The following NECAB1 variants were observed in gnomAD, a reference collection of about 807,000 sequenced individuals.
NECAB1 encodes N-terminal EF-hand calcium-binding protein 1.
A neutral mutation model predicts 57.5 loss-of-function variants in NECAB1; 29 were observed. That is an observed-to-expected ratio of 0.50 (90% confidence interval 0.38 to 0.69). The LOEUF (loss-of-function observed/expected upper bound fraction) is 0.69, where lower values mean the gene tolerates loss of function less well. Among genes scored for constraint, NECAB1 ranks in the 30% least tolerant of loss-of-function variants. The probability of loss-of-function intolerance (pLI) is 0.00; values close to 1 mark genes in which losing one functional copy is unlikely to be tolerated. For missense variants in NECAB1, 372 were observed against 413.8 expected (o/e 0.90, Z 0.88); for synonymous variants, 142 against 147.7 (o/e 0.96, Z 0.28).
Position 90,864,791 on chromosome 8 carries a change from C to T in NECAB1, c.234-7337C>T, listed in dbSNP as rs569746052. On this transcript the variant is annotated intron_variant, in intron 3 of 12. Transcript: ENST00000417640. ...GGGAAGAGGGGATAGCTTTTGATGG[C>T]GCATGGCTTATGTCATCTTACCTTA... Among the ~76,000 whole-genome samples, 7 of 152,116 alleles carry T rather than the reference C, an allele frequency of 4.6e-5. No homozygotes were observed. In the East Asian group the frequency reaches 7.7e-4, roughly 17 times the overall value.
chr8:90,930,356 T>G (rs1267942197), intron 8 of NECAB1, among the ~76,000 whole-genome samples: 1 of 152,162 alleles, frequency 6.6e-6, no homozygotes, highest in Admixed American at 6.5e-5. Flanking sequence ...AAACAATTAA[T>G]TGTACCATTA....
chr8:90,917,845 T>TAC (rs1243746335), intron 6 of NECAB1, among the ~76,000 whole-genome samples: 1 of 78,252 alleles, frequency 1.3e-5, no homozygotes, highest in Non-Finnish European at 2.0e-5. Flanking sequence ...GTAAACTATA[T>TAC]ATATATATAT....
chr8:90,937,975 G>A lies in NECAB1; in HGVS notation c.748-2811G>A, dbSNP rs2677582. Among the ~76,000 whole-genome samples, 83 of 152,222 alleles carry A rather than the reference G, an allele frequency of 5.5e-4. 1 individual carries two copies. The East Asian group carries it at 0.014, about 26-fold the overall frequency. On this transcript the variant is annotated intron_variant, in intron 9 of 12. Transcript: ENST00000417640. ...CAATGGTTGTTAAGAGAGTCAGTGA[G>A]AGCATACAAGAAAGGCTAGGGTATC...
chr8:90,877,144 T>C (rs1344604943), intron 4 of NECAB1, among the ~76,000 whole-genome samples: 1 of 152,198 alleles, frequency 6.6e-6, no homozygotes, highest in East Asian at 1.9e-4. Flanking sequence ...AATATGTCAC[T>C]GTCCTTCCCT....
chr8:90,820,742 A>AG (rs1208915268), intron 2 of NECAB1, among the ~76,000 whole-genome samples: 4 of 151,688 alleles, frequency 2.6e-5, no homozygotes, highest in African/African-American at 9.7e-5. Flanking sequence ...CTAAAAAAAA[A>AG]GTCTGTCATT....
chr8:90,944,584 G>A (rs1810755246), intron 10 of NECAB1, among the ~76,000 whole-genome samples: 1 of 152,166 alleles, frequency 6.6e-6, no homozygotes, highest in Non-Finnish European at 1.5e-5. Context: ...TATGTTCTCA[G>A]AACCATTCTT....
intron 2 of NECAB1, among the ~76,000 whole-genome samples, chr8:90,819,974 A>G (rs1350101060): frequency 6.6e-6 from 1 of 151,810 alleles, no homozygotes; most frequent in Non-Finnish European, 1.5e-5. Flanking sequence ...TCTGGAGGTA[A>G]AACCCACCAA....
Position 90,956,717 on chromosome 8 carries a change from T to C in NECAB1, c.*1205T>C, listed in dbSNP as rs558842424. 6.6e-6 allele frequency: 1 copy of C among 152,256 alleles called. No individual in the cohort carries two copies. The highest frequency in any genetic ancestry group is 1.9e-4 in the East Asian group (1 of 5,172). The allele number at this position is 152,256 out of a possible 1,614,324, so 9.4% of individuals were successfully genotyped here. ...TTATAAGGTAAAATTTTCCTGTTTT[T>C]CCCCCTTTGAAAAACTCAGGAAAAA... On this transcript the variant is annotated 3_prime_UTR_variant, in exon 13 of 13. Coordinates refer to ENST00000417640, the MANE Select transcript of NECAB1 (RefSeq NM_022351.5).
At chr8:90,792,989 G>A (rs1811600801) in intron 1 of NECAB1, among the ~76,000 whole-genome samples, 1 of 152,144 alleles carries the variant, frequency 6.6e-6, no homozygotes, top group Non-Finnish European at 1.5e-5. Context: ...GTTTAGGCAT[G>A]ATAGAAAATG....
chr8:90,896,104 A>T (rs1232773817), intron 5 of NECAB1, among the ~76,000 whole-genome samples: 1 of 152,182 alleles, frequency 6.6e-6, no homozygotes, highest in East Asian at 1.9e-4. Flanking sequence ...CATACCATGC[A>T]TCCGTAAGTC....
At chr8:90,834,628 T>C (rs1812341606) in intron 3 of NECAB1, among the ~76,000 whole-genome samples, 1 of 152,174 alleles carries the variant, frequency 6.6e-6, no homozygotes, top group Admixed American at 6.6e-5. Flanking sequence ...GTCTGAAGTA[T>C]TTGTTAGAGA....
intron 1 of NECAB1, among the ~76,000 whole-genome samples, chr8:90,799,485 T>G (rs1224980966): frequency 1.3e-5 from 2 of 152,204 alleles, no homozygotes; most frequent in African/African-American, 4.8e-5. Context: ...AATTTTTGTC[T>G]ATAGTATTAG....
rs1554575432 is a variant in NECAB1 at position 90,917,870 on chromosome 8, A to ATATATATATATATATATATATGTGTG, written c.494+243_494+244insATATATATATATATATATATGTGTGT. The stretch of plus-strand genomic sequence containing the variant: ...TATATATATATATATATATATATAT[A>ATATATATATATATATATATATGTGTG]TGTGTGTGTGTGCGTGTATATATAT... On this transcript the variant is annotated intron_variant, in intron 6 of 12. Coordinates refer to ENST00000417640, the MANE Select transcript of NECAB1 (RefSeq NM_022351.5). Among the ~76,000 whole-genome samples, 242 of 64,144 alleles carry ATATATATATATATATATATATGTGTG rather than the reference A, an allele frequency of 3.8e-3. 2 individuals carry two copies. The highest frequency in any genetic ancestry group is 6.9e-3 in the East Asian group (6 of 870). 42.1% of individuals were successfully genotyped at this position (64,144 alleles called of 152,430 possible). A position where few individuals can be genotyped will look rare whatever the true frequency, so the allele number is the denominator to read the frequency against.
At chr8:90,843,251 G>A (rs1412809174) in intron 3 of NECAB1, among the ~76,000 whole-genome samples, 2 of 152,132 alleles carry the variant, frequency 1.3e-5, no homozygotes, top group Non-Finnish European at 2.9e-5. Context: ...GGGGATTATG[G>A]GAGCTACAAT....
At chr8:90,933,024 G>A (rs1209684698) in intron 8 of NECAB1, among the ~76,000 whole-genome samples, 1 of 152,102 alleles carries the variant, frequency 6.6e-6, no homozygotes, top group Non-Finnish European at 1.5e-5. Context: ...AAACCACAAT[G>A]TGATACTACC....
intron 5 of NECAB1, among the ~76,000 whole-genome samples, chr8:90,887,640 G>A (rs113027563): frequency 4.7e-4 from 72 of 152,252 alleles, no homozygotes; most frequent in African/African-American, 1.7e-3. Flanking sequence ...ACTCAAATGA[G>A]TCTCAAAGAA....
intron 2 of NECAB1, among the ~76,000 whole-genome samples, chr8:90,808,431 C>T (rs1811891369): frequency 1.6e-5 from 2 of 126,852 alleles, no homozygotes; most frequent in African/African-American, 3.1e-5. Context: ...ATTACCTGGG[C>T]TCAAATCCCC....
intron 7 of NECAB1, among the ~76,000 whole-genome samples, chr8:90,927,996 A>G (rs1810316880): frequency 8.9e-6 from 1 of 112,256 alleles, no homozygotes; most frequent in South Asian, 2.4e-4. Flanking sequence ...TCAAAGGCCA[A>G]ATAGGCAATT....
chr8:90,930,151 T>C (rs187999419), intron 8 of NECAB1, among the ~76,000 whole-genome samples: 35 of 152,026 alleles, frequency 2.3e-4, no homozygotes, highest in African/African-American at 8.0e-4. Context: ...GCTCAGAAAA[T>C]GGCATTGAAG....
Sources: allele counts gnomAD v4.1 joint callset (sites outside exome capture counted in the v4.1 genomes callset), GRCh38; gene constraint gnomAD v4.1.1; transcripts MANE v1.5; gene names NCBI Gene and HGNC (gene_info 2026-07-23, HGNC 2026-07-21).